The following LRTM3 variants were observed in gnomAD, a reference collection of about 807,000 sequenced individuals.
The protein encoded by LRTM3 is leucine rich repeat transmembrane protein 3.
chr13:102,732,949 A>C, the LRTM3 span: 1,544,079 of 1,551,450 alleles, frequency 1, 768,669 homozygotes, highest in East Asian at 1. Flanking sequence ...ACTTCGGAAG[A>C]AATTCCAGAA....
At chr13:102,733,060 G>A in the LRTM3 span, 5 of 1,551,252 alleles carry the variant, frequency 3.2e-6, no homozygotes, top group Non-Finnish European at 4.4e-6. Context: ...GCATCTGTAG[G>A]CTGAGGTGCG....
chr13:102,758,948 G>GA, the LRTM3 span: 9 of 1,405,206 alleles, frequency 6.4e-6, no homozygotes, highest in Non-Finnish European at 7.8e-6. Flanking sequence ...TGTCATATGT[G>GA]AAAGAGACTG....
At chr13:102,755,949 A>G in the LRTM3 span, among the ~76,000 whole-genome samples, 5,688 of 58,818 alleles carry the variant, frequency 0.097, 167 homozygotes, top group African/African-American at 0.12. Context: ...ATACATATAT[A>G]TATATATATA....
At chr13:102,739,928 C>T in the LRTM3 span, 1 of 1,550,348 alleles carries the variant, frequency 6.5e-7, no homozygotes, top group Non-Finnish European at 8.7e-7. Flanking sequence ...ACCACAGTCA[C>T]TGGTATTGAG....
chr13:102,741,978 T>G, the LRTM3 span: 17 of 1,550,536 alleles, frequency 1.1e-5, no homozygotes, highest in Non-Finnish European at 1.5e-5. Context: ...TTTCTAAGAA[T>G]GCTGGACATA....
the LRTM3 span, chr13:102,739,997 C>T: frequency 2.1e-5 from 32 of 1,550,464 alleles, no homozygotes; most frequent in Non-Finnish European, 2.6e-5. Context: ...GCATATCACG[C>T]CTTTCCTAAT....
chr13:102,754,340 C>A, the LRTM3 span, among the ~76,000 whole-genome samples: 2 of 151,634 alleles, frequency 1.3e-5, no homozygotes, highest in East Asian at 1.9e-4. Flanking sequence ...TCTCATGTCA[C>A]CTCCTGACAT....
At chr13:102,733,417 G>T in the LRTM3 span, 8 of 1,551,162 alleles carry the variant, frequency 5.2e-6, no homozygotes, top group Non-Finnish European at 7.0e-6. Flanking sequence ...GCTGGTGAGC[G>T]TATCTCTCTG....
At chr13:102,750,794 G>T in the LRTM3 span, among the ~76,000 whole-genome samples, 11 of 152,268 alleles carry the variant, frequency 7.2e-5, no homozygotes, top group Admixed American at 6.5e-4. Flanking sequence ...GTATAAACTA[G>T]CTGTCTATAG....
the LRTM3 span, chr13:102,747,081 T>C: frequency 1.3e-6 from 2 of 1,551,184 alleles, no homozygotes; most frequent in Non-Finnish European, 1.7e-6. Context: ...AGAGTTTCTT[T>C]GACGCCTTTT....
chr13:102,732,688 G>C, the LRTM3 span: 13 of 1,551,014 alleles, frequency 8.4e-6, no homozygotes, highest in South Asian at 3.6e-5. Flanking sequence ...GTGCACTACT[G>C]CTTGTGTCCA....
the LRTM3 span, chr13:102,737,246 C>A: frequency 7.7e-6 from 12 of 1,551,034 alleles, no homozygotes; most frequent in Non-Finnish European, 1.0e-5. Context: ...GCTATCCACC[C>A]CAAAAGACTT....
chr13:102,757,637 T>C, the LRTM3 span, among the ~76,000 whole-genome samples: 5 of 152,208 alleles, frequency 3.3e-5, no homozygotes, highest in South Asian at 2.1e-4. Context: ...TAAACCTCTG[T>C]CCTTTTCGGG....
At chr13:102,756,311 G>GAAAAAAAA in the LRTM3 span, among the ~76,000 whole-genome samples, 1 of 136,804 alleles carries the variant, frequency 7.3e-6, no homozygotes. Context: ...TCCTTAGTTC[G>GAAAAAAAA]AAAAAAAAAA....
the LRTM3 span, chr13:102,730,858 T>G: frequency 2.2e-5 from 34 of 1,551,362 alleles, no homozygotes; most frequent in Middle Eastern, 1.7e-4. Flanking sequence ...CAAGATCTAT[T>G]TGATGGAGAG....
chr13:102,751,358 C>T, the LRTM3 span, among the ~76,000 whole-genome samples: 1 of 116,748 alleles, frequency 8.6e-6, no homozygotes, highest in Non-Finnish European at 1.9e-5. Flanking sequence ...CACACACACA[C>T]ACACACACAC....
the LRTM3 span, chr13:102,735,500 T>G: frequency 2.6e-6 from 4 of 1,551,216 alleles, no homozygotes; most frequent in Admixed American, 7.8e-5. Flanking sequence ...TCCTTTAACT[T>G]GTTTATTTTT....
the LRTM3 span, chr13:102,758,446 T>C: frequency 1.3e-6 from 2 of 1,537,434 alleles, no homozygotes; most frequent in Non-Finnish European, 1.8e-6. Context: ...TGACCAATTC[T>C]CTGGAGCTGA....
chr13:102,734,439 G>T, the LRTM3 span: 2 of 1,551,212 alleles, frequency 1.3e-6, no homozygotes, highest in Non-Finnish European at 1.7e-6. Flanking sequence ...ATCATACCTG[G>T]TGGTTTATCT....
Sources: allele counts gnomAD v4.1 joint callset (sites outside exome capture counted in the v4.1 genomes callset), GRCh38; gene constraint gnomAD v4.1.1; transcripts MANE v1.5; gene names NCBI Gene and HGNC (gene_info 2026-07-23, HGNC 2026-07-21).